DIAPH3: variants seen among roughly 807,000 people sequenced by gnomAD.
DIAPH3 encodes protein diaphanous homolog 3.
DIAPH3 carries 117 observed loss-of-function variants against 144.3 expected under a neutral mutation model. The ratio of observed to expected loss-of-function variants is 0.81; its 90% confidence interval spans 0.70 to 0.95. The LOEUF is 0.95. DIAPH3 is among the 40% of genes least tolerant of loss of function. The pLI, the probability that DIAPH3 is intolerant of heterozygous loss-of-function variation, is 0.00. For missense variants in DIAPH3, 1,421 were observed against 1,412.7 expected, an observed-to-expected ratio of 1.01 and a Z score of -0.09; for synonymous variants, 519 against 488.9, an observed-to-expected ratio of 1.06 and a Z score of -0.81.
intron 14 of DIAPH3, among the ~76,000 whole-genome samples, chr13:59,979,595 A>G (rs2050873628): frequency 6.6e-6 from 1 of 151,718 alleles, no homozygotes. Context: ...AGCGTTTGGT[A>G]AAGTCAGAAC....
At chr13:60,100,474 G>A (rs1449327017) in intron 3 of DIAPH3, among the ~76,000 whole-genome samples, 3 of 151,888 alleles carry the variant, frequency 2.0e-5, no homozygotes, top group Admixed American at 2.0e-4. Context: ...GATCCTGGAA[G>A]AAAAAAAAGA....
chr13:60,007,053 C>A (rs1470265233), intron 9 of DIAPH3, among the ~76,000 whole-genome samples: 1 of 151,772 alleles, frequency 6.6e-6, no homozygotes, highest in African/African-American at 2.4e-5. Context: ...ATCATATTCT[C>A]ATTTTTTTTT....
intron 17 of DIAPH3, among the ~76,000 whole-genome samples, chr13:59,952,124 T>C (rs764494373): frequency 1.3e-5 from 2 of 152,020 alleles, no homozygotes; most frequent in Non-Finnish European, 2.9e-5. Context: ...CTCAAAAATA[T>C]TATGTAAAGT....
chr13:59,862,531 G>A (rs2043660498), intron 21 of DIAPH3, among the ~76,000 whole-genome samples: 1 of 152,132 alleles, frequency 6.6e-6, no homozygotes, highest in Admixed American at 6.5e-5. Context: ...GACCATGTGG[G>A]TGTGGAAACC....
intron 4 of DIAPH3, among the ~76,000 whole-genome samples, chr13:60,079,548 T>C (rs1179060401): frequency 1.3e-5 from 2 of 151,996 alleles, no homozygotes; most frequent in African/African-American, 2.4e-5. Flanking sequence ...AAATACCATA[T>C]ACATCTCCTA....
chr13:59,910,087 C>A (rs1027754106), intron 20 of DIAPH3, among the ~76,000 whole-genome samples: 6 of 151,826 alleles, frequency 4.0e-5, no homozygotes, highest in Non-Finnish European at 8.8e-5. Flanking sequence ...TTTCATATAA[C>A]CTTGCATGGT....
chr13:59,707,934 CTTCAT>C (rs1336895609), intron 27 of DIAPH3, among the ~76,000 whole-genome samples: 4 of 151,890 alleles, frequency 2.6e-5, no homozygotes, highest in African/African-American at 7.3e-5. Flanking sequence ...TTTCTCCCCA[CTTCAT>C]TTCATTATTC....
intron 24 of DIAPH3, 117 bp from the exon 25 acceptor site, chr13:59,811,040 G>T (rs2139558056): frequency 1.0e-6 from 1 of 975,252 alleles, no homozygotes. Context: ...AGATAATGGT[G>T]AGTTATGTTA....
intron 27 of DIAPH3, among the ~76,000 whole-genome samples, chr13:59,686,213 C>T (rs1207059523): frequency 6.6e-6 from 1 of 151,784 alleles, no homozygotes; most frequent in Non-Finnish European, 1.5e-5. Flanking sequence ...ATGTGGCACT[C>T]AGTCATTCAT....
intron 9 of DIAPH3, among the ~76,000 whole-genome samples, chr13:60,006,626 A>G (rs549340185): frequency 6.6e-6 from 1 of 152,322 alleles, no homozygotes; most frequent in African/African-American, 2.4e-5. Context: ...ATAGAAAGGA[A>G]AAAGAAAAGC....
intron 1 of DIAPH3, among the ~76,000 whole-genome samples, chr13:60,142,684 CTT>C (rs1407001057): frequency 1.3e-5 from 2 of 152,182 alleles, no homozygotes; most frequent in Non-Finnish European, 2.9e-5. Context: ...ATCAGGGACT[CTT>C]TCCCTTCCTG....
chr13:59,856,883 T>C (rs1223530200), intron 22 of DIAPH3, among the ~76,000 whole-genome samples: 1 of 149,380 alleles, frequency 6.7e-6, no homozygotes, highest in South Asian at 2.1e-4. Context: ...AACTACATCA[T>C]ATAGGCAGAT....
At chr13:60,051,418 G>A (rs2056339777) in intron 4 of DIAPH3, among the ~76,000 whole-genome samples, 1 of 152,016 alleles carries the variant, frequency 6.6e-6, no homozygotes, top group South Asian at 2.1e-4. Flanking sequence ...TCAGGAGTTC[G>A]AGACCAGCCT....
intron 20 of DIAPH3, among the ~76,000 whole-genome samples, chr13:59,896,786 A>C (rs934376781): frequency 6.6e-6 from 1 of 152,240 alleles, no homozygotes; most frequent in African/African-American, 2.4e-5. Context: ...TCAGAAGAGA[A>C]GCTTATTCTA....
intron 19 of DIAPH3, 57 bp downstream of exon 19, chr13:59,916,098 A>G: frequency 6.8e-7 from 1 of 1,460,524 alleles, no homozygotes; most frequent in South Asian, 1.1e-5. Flanking sequence ...ACAGATTTCT[A>G]TTTAATGAGA....
intron 16 of DIAPH3, among the ~76,000 whole-genome samples, chr13:59,970,310 G>T (rs546505004): frequency 3.3e-5 from 5 of 152,266 alleles, no homozygotes; most frequent in Middle Eastern, 3.4e-3. Flanking sequence ...CTTCTCAATT[G>T]CATTTCTCAT....
At chr13:59,933,218 C>A (rs1055665762) in intron 17 of DIAPH3, among the ~76,000 whole-genome samples, 3 of 152,220 alleles carry the variant, frequency 2.0e-5, no homozygotes, top group Non-Finnish European at 1.5e-5. Flanking sequence ...GAACTCAGGC[C>A]TGGAATCCTG....
At chr13:60,054,194 G>A (rs1454098422) in intron 4 of DIAPH3, among the ~76,000 whole-genome samples, 2 of 151,908 alleles carry the variant, frequency 1.3e-5, no homozygotes, top group Non-Finnish European at 2.9e-5. Flanking sequence ...GAGAAAACCA[G>A]TATTTTTTTT....
At chr13:60,126,794 A>C (rs2059002751) in intron 2 of DIAPH3, among the ~76,000 whole-genome samples, 1 of 152,146 alleles carries the variant, frequency 6.6e-6, no homozygotes, top group Non-Finnish European at 1.5e-5. Flanking sequence ...CATATACCAA[A>C]ATAACCCATG....
Sources: allele counts gnomAD v4.1 joint callset (sites outside exome capture counted in the v4.1 genomes callset), GRCh38; gene constraint gnomAD v4.1.1; transcripts MANE v1.5; gene names NCBI Gene and HGNC (gene_info 2026-07-23, HGNC 2026-07-21).